The following KCNK1 variants were observed in gnomAD, a reference collection of about 807,000 sequenced individuals.
KCNK1 encodes potassium two pore domain channel subfamily K member 1.
In KCNK1, 10 loss-of-function variants were observed where a neutral mutation model predicts 22.2. That is an observed-to-expected ratio of 0.45 (90% CI 0.28 to 0.76). The LOEUF (loss-of-function observed/expected upper bound fraction) is 0.76, where lower values mean the gene tolerates loss of function less well. Among genes scored for constraint, KCNK1 ranks in the 30% least tolerant of loss-of-function variants. The pLI, the probability that KCNK1 is intolerant of heterozygous loss-of-function variation, is 0.14. For missense variants in KCNK1, 378 were observed against 421.0 expected (o/e 0.90, Z 0.89); for synonymous variants, 200 against 186.4 (o/e 1.07, Z -0.60).
chr1:233,652,425 G>A (rs1350642755), intron 1 of KCNK1, among the ~76,000 whole-genome samples: 2 of 152,118 alleles, frequency 1.3e-5, no homozygotes, highest in African/African-American at 4.8e-5. Flanking sequence ...TCTGCTTTCA[G>A]ATCTTTGGAA....
chr1:233,617,509 A>T lies in KCNK1; in HGVS notation c.355+2983A>T, dbSNP rs61824267. Among the ~76,000 whole-genome samples the T allele has an allele frequency of 5.0e-3, 763 of 152,364 alleles. 1 individual carries two copies. The highest frequency in any genetic ancestry group is 7.0e-3 in the Non-Finnish European group (477 of 68,030). ...ATAAAAGCACACACATTTAGTTAAT[A>T]TAAGTTTTAGATGACATAGACGCCT... On this transcript the variant is annotated intron_variant, in intron 1 of 2. Transcript: ENST00000366621.
At chr1:233,638,016 G>A (rs975727941) in intron 1 of KCNK1, among the ~76,000 whole-genome samples, 2 of 151,678 alleles carry the variant, frequency 1.3e-5, no homozygotes, top group South Asian at 4.2e-4. Context: ...AAAAACACAG[G>A]GTTGTCCTCT....
At chr1:233,628,096 C>G (rs1170753182) in intron 1 of KCNK1, among the ~76,000 whole-genome samples, 1 of 152,218 alleles carries the variant, frequency 6.6e-6, no homozygotes, top group African/African-American at 2.4e-5. Flanking sequence ...AGAATTTCTT[C>G]TGCCTGTCTT....
chr1:233,614,155 C>T lies in KCNK1; in HGVS notation c.-17C>T. The stretch of plus-strand genomic sequence containing the variant: ...GGCCGGTCTGCGGCGTTGGCCTTGG[C>T]GGCGGCGGTGGAGAAGATGCTGCAG... On this transcript the variant is annotated 5_prime_UTR_variant, in exon 1 of 3. Coordinates refer to ENST00000366621, the MANE Select transcript of KCNK1 (RefSeq NM_002245.4). The T allele has an allele frequency of 6.4e-7, 1 of 1,569,176 alleles. No individual in the cohort carries two copies. The highest frequency in any genetic ancestry group is 1.7e-5 in the Admixed American group (1 of 57,522).
intron 1 of KCNK1, among the ~76,000 whole-genome samples, chr1:233,652,700 C>CT (rs1356712061): frequency 2.8e-4 from 43 of 152,286 alleles, no homozygotes; most frequent in African/African-American, 8.9e-4. Flanking sequence ...CATTCCCTGA[C>CT]TTTTTCCTAA....
rs764310362 is a variant in KCNK1 at position 233,614,528 on chromosome 1, T to C, written c.355+2T>C. 4 of 1,572,160 alleles carry C rather than the reference T, an allele frequency of 2.5e-6. No homozygotes were observed. Among genetic ancestry groups the C allele is most frequent in the African/African-American group, 1.4e-5 (1 of 73,884 alleles). ...CCAGCACCGTGCTCTCCACCACAGG[T>C]AGGGTATCCTGCGCGCCCCCTGGCC... is the stretch of plus-strand genomic sequence containing the variant. On this transcript the variant is annotated splice_donor_variant, in intron 1 of 2. Coordinates refer to ENST00000366621, the MANE Select transcript of KCNK1 (RefSeq NM_002245.4). LOFTEE classifies it high-confidence loss of function.
intron 1 of KCNK1, among the ~76,000 whole-genome samples, chr1:233,648,613 G>A (rs926891005): frequency 2.0e-5 from 3 of 151,480 alleles, no homozygotes; most frequent in African/African-American, 7.3e-5. Flanking sequence ...CACCCAGGCT[G>A]GAGTGCAGTG....
At chr1:233,638,652 T>C (rs539081464) in intron 1 of KCNK1, among the ~76,000 whole-genome samples, 1 of 152,294 alleles carries the variant, frequency 6.6e-6, no homozygotes, top group South Asian at 2.1e-4. Context: ...GGCCATCCTT[T>C]TGGGGCTGAG....
At chr1:233,650,955 G>A (rs967749414) in intron 1 of KCNK1, among the ~76,000 whole-genome samples, 3 of 152,200 alleles carry the variant, frequency 2.0e-5, no homozygotes, top group Admixed American at 1.3e-4. Flanking sequence ...TGGAGGCTCA[G>A]AGGTTGGGTT....
At chr1:233,616,671 A>C (rs545856587) in intron 1 of KCNK1, among the ~76,000 whole-genome samples, 3 of 152,368 alleles carry the variant, frequency 2.0e-5, no homozygotes, top group African/African-American at 7.2e-5. Flanking sequence ...ATTCTAAATG[A>C]AAAGTACTCT....
intron 1 of KCNK1, among the ~76,000 whole-genome samples, chr1:233,634,085 A>T (rs1031355391): frequency 6.6e-6 from 1 of 152,064 alleles, no homozygotes; most frequent in Non-Finnish European, 1.5e-5. Flanking sequence ...AGGCGGGCGA[A>T]TCACAAGGTC....
At chr1:233,646,208 C>T (rs759168361) in intron 1 of KCNK1, among the ~76,000 whole-genome samples, 2 of 152,142 alleles carry the variant, frequency 1.3e-5, no homozygotes, top group Non-Finnish European at 2.9e-5. Context: ...AGTTAGGAGT[C>T]ATTTGTGTGT....
At chr1:233,669,283 G>A (rs956024405) in intron 2 of KCNK1, among the ~76,000 whole-genome samples, 3 of 152,034 alleles carry the variant, frequency 2.0e-5, no homozygotes, top group African/African-American at 4.8e-5. Flanking sequence ...TATATAAATT[G>A]TCTTCTCATA....
Position 233,666,986 on chromosome 1 carries a change from C to A in KCNK1, c.747C>A (p.Ile249=), listed in dbSNP as rs1658502252. 6.2e-7 allele frequency: 1 copy of A among 1,607,114 alleles called. No individual in the cohort carries two copies. The highest frequency in any genetic ancestry group is 8.5e-7 in the Non-Finnish European group (1 of 1,176,976). ...QKFRELYKIG[I]TCYLLLGLIA... is the part of the protein sequence containing the mutation. ...TCAGAGAGCTCTATAAGATTGGGATCACGTGTGAGTATTACAGCTCCCTGG... is the reference window on the plus strand; with the variant it reads ...TCAGAGAGCTCTATAAGATTGGGATAACGTGTGAGTATTACAGCTCCCTGG... Residue 249 remains isoleucine, a synonymous_variant, in exon 2 of 3, where the codon ATC becomes ATA. Coordinates refer to ENST00000366621, the MANE Select transcript of KCNK1 (RefSeq NM_002245.4).
chr1:233,671,649 A>T lies in KCNK1; in HGVS notation c.*119A>T, dbSNP rs913810427. The T allele has an allele frequency of 5.1e-6, 6 of 1,171,498 alleles. No homozygotes were observed. The highest frequency in any genetic ancestry group is 7.2e-6 in the Non-Finnish European group (6 of 829,854). 72.6% of individuals were successfully genotyped at this position (1,171,498 alleles called of 1,614,324 possible). A position where few individuals can be genotyped will look rare whatever the true frequency, so the allele number is the denominator to read the frequency against. The stretch of plus-strand genomic sequence containing the variant: ...AATTATGTCACTTTAAGAAATAGCT[A>T]CTGTTTGCAATGTCTTATTAAAAAA... On this transcript the variant is annotated 3_prime_UTR_variant, in exon 3 of 3. Transcript: ENST00000366621.
At chr1:233,642,716 A>G (rs186064440) in intron 1 of KCNK1, among the ~76,000 whole-genome samples, 32 of 152,244 alleles carry the variant, frequency 2.1e-4, no homozygotes, top group Non-Finnish European at 3.7e-4. Context: ...CAGCGGTGAT[A>G]GAGTAAAAGC....
rs140745317 is a variant in KCNK1 at position 233,614,150 on chromosome 1, C to CTTGGCCTTGGCT, written c.-17_-16insCTTGGCTTTGGC. Reference sequence around the variant, plus strand: ...GCTCCGGCCGGTCTGCGGCGTTGGCCTTGGCGGCGGCGGTGGAGAAGATGC... The same window carrying CTTGGCCTTGGCT: ...GCTCCGGCCGGTCTGCGGCGTTGGCCTTGGCCTTGGCTTTGGCGGCGGCGGTGGAGAAGATGC... On this transcript the variant is annotated 5_prime_UTR_variant, in exon 1 of 3. Coordinates refer to ENST00000366621, the MANE Select transcript of KCNK1 (RefSeq NM_002245.4). The CTTGGCCTTGGCT allele has an allele frequency of 2.0e-6, 3 of 1,537,816 alleles. No homozygotes were observed. The East Asian group carries it at 7.2e-5, about 37-fold the overall frequency.
Position 233,614,129 on chromosome 1 carries a change from C to T in KCNK1, c.-43C>T. 2.4e-6 allele frequency: 3 copies of T among 1,271,460 alleles called. No homozygotes were observed. The highest frequency in any genetic ancestry group is 1.7e-5 in the South Asian group (1 of 57,340). 78.8% of individuals were successfully genotyped at this position (1,271,460 alleles called of 1,614,324 possible). On this transcript the variant is annotated 5_prime_UTR_variant, in exon 1 of 3. Transcript: ENST00000366621. ...CCAGAAGAGGCGGCGGGCCGCGCTC[C>T]GGCCGGTCTGCGGCGTTGGCCTTGG... is the stretch of plus-strand genomic sequence containing the variant.
chr1:233,658,636 T>C (rs1288814149), intron 1 of KCNK1, among the ~76,000 whole-genome samples: 1 of 152,220 alleles, frequency 6.6e-6, no homozygotes, highest in East Asian at 1.9e-4. Flanking sequence ...TTTGTCATTG[T>C]GTGAACAACG....
Sources: allele counts gnomAD v4.1 joint callset (sites outside exome capture counted in the v4.1 genomes callset), GRCh38; gene constraint gnomAD v4.1.1; transcripts MANE v1.5; gene names NCBI Gene and HGNC (gene_info 2026-07-23, HGNC 2026-07-21).